The following SLC16A9 variants were observed in gnomAD, a reference collection of about 807,000 sequenced individuals.
The protein encoded by SLC16A9 is monocarboxylate transporter 9.
A neutral mutation model predicts 44.3 loss-of-function variants in SLC16A9; 26 were observed. That is an observed-to-expected ratio of 0.59 (90% CI 0.43 to 0.81). SLC16A9 has a LOEUF of 0.81. SLC16A9 is among the 40% of genes least tolerant of loss of function. SLC16A9 has a pLI of 0.00. For missense variants in SLC16A9, 559 were observed against 595.8 expected (o/e 0.94, Z 0.64); for synonymous variants, 230 against 225.1 (o/e 1.02, Z -0.19).
Position 59,651,916 on chromosome 10 carries a change from GT to G in SLC16A9, c.*855del, listed in dbSNP as rs1466972122. On this transcript the variant is annotated 3_prime_UTR_variant, in exon 6 of 6. Transcript: ENST00000395348. ...CCCACTGTGCCCAAAGCAAATGGAT[GT>G]TTCCCATTTGCCAGAACGGAATGAT... is the stretch of plus-strand genomic sequence containing the variant. The G allele has an allele frequency of 6.6e-6, 1 of 152,204 alleles. No individual in the cohort carries two copies. The highest frequency in any genetic ancestry group is 2.4e-5 in the African/African-American group (1 of 41,456). 9.4% of individuals were successfully genotyped at this position (152,204 alleles called of 1,614,324 possible).
At chr10:59,687,551 C>T (rs141766439) in intron 1 of SLC16A9, among the ~76,000 whole-genome samples, 1 of 152,276 alleles carries the variant, frequency 6.6e-6, no homozygotes, top group East Asian at 1.9e-4. Flanking sequence ...TTCCTTGGTT[C>T]ATGCATTGTT....
At chr10:59,674,652 G>A (rs1459496910) in intron 2 of SLC16A9, among the ~76,000 whole-genome samples, 1 of 152,218 alleles carries the variant, frequency 6.6e-6, no homozygotes, top group African/African-American at 2.4e-5. Flanking sequence ...ATGTCTGACA[G>A]CATAAGGCAT....
In SLC16A9 at chr10:59,652,591, G is replaced by T; in HGVS notation, c.*181C>A. 3.8e-6 allele frequency: 2 copies of T among 520,214 alleles called. No homozygotes were observed. Among genetic ancestry groups the T allele is most frequent in the East Asian group, 3.3e-5 (1 of 30,456 alleles). The allele number at this position is 520,214 out of a possible 1,614,324, so 32.2% of individuals were successfully genotyped here. On this transcript the variant is annotated 3_prime_UTR_variant, in exon 6 of 6. Coordinates refer to ENST00000395348, the MANE Select transcript of SLC16A9 (RefSeq NM_194298.3). ...AAATAGAAAAAAATACGAGATAGAG[G>T]CTACGCATACACTACATAAAAAATA... is the stretch of plus-strand genomic sequence containing the variant.
At chr10:59,680,188 A>T (rs992877241) in intron 2 of SLC16A9, among the ~76,000 whole-genome samples, 2 of 152,194 alleles carry the variant, frequency 1.3e-5, no homozygotes, top group Non-Finnish European at 2.9e-5. Context: ...CTGGACAAAC[A>T]AAGAATTCAA....
intron 1 of SLC16A9, among the ~76,000 whole-genome samples, chr10:59,695,347 T>A (rs1312722610): frequency 1.3e-5 from 2 of 152,174 alleles, no homozygotes; most frequent in African/African-American, 4.8e-5. Context: ...ACCAAAAAAA[T>A]TAATGTAAAC....
intron 4 of SLC16A9, among the ~76,000 whole-genome samples, chr10:59,657,925 G>A (rs527817586): frequency 6.6e-6 from 1 of 152,242 alleles, no homozygotes; most frequent in South Asian, 2.1e-4. Context: ...CAGGGGGATG[G>A]GGGCTGGATA....
chr10:59,683,279 C>A (rs1441026080), intron 2 of SLC16A9, among the ~76,000 whole-genome samples: 1 of 152,076 alleles, frequency 6.6e-6, no homozygotes. Flanking sequence ...GAATAATGGT[C>A]ACTAAATATT....
chr10:59,661,301 C>CA (rs1393035961), intron 4 of SLC16A9, among the ~76,000 whole-genome samples: 3 of 152,214 alleles, frequency 2.0e-5, no homozygotes, highest in African/African-American at 7.2e-5. Flanking sequence ...GAAACTTCAG[C>CA]AAAGTCTCAG....
chr10:59,699,602 A>G (rs1353207767), intron 1 of SLC16A9, among the ~76,000 whole-genome samples: 2 of 152,128 alleles, frequency 1.3e-5, no homozygotes, highest in South Asian at 2.1e-4. Flanking sequence ...TTACCTCATC[A>G]GATTGTGGTA....
Position 59,653,824 on chromosome 10 carries a change from A to G in SLC16A9, c.1202T>C (p.Leu401Pro), listed in dbSNP as rs1200051507. Reference sequence around the variant, plus strand: ...AGTAAGAAACCCTAGGATCCCAGAAAGCAACGCCAATGTGACATAGCTTTT... The same window carrying G: ...AGTAAGAAACCCTAGGATCCCAGAAGGCAACGCCAATGTGACATAGCTTTT... ...FAKSYVTLAL[L>P]SGILGFLTGN... The change falls in exon 5 of 6, where the codon CTT becomes CCT. Residue 401 changes from leucine to proline, a missense_variant. Transcript: ENST00000395348. 6.2e-6 allele frequency: 10 copies of G among 1,614,078 alleles called. No individual in the cohort carries two copies. Among genetic ancestry groups the G allele is most frequent in the Admixed American group, 1.7e-5 (1 of 60,006 alleles).
intron 4 of SLC16A9, among the ~76,000 whole-genome samples, chr10:59,655,811 G>A (rs975846599): frequency 6.6e-6 from 1 of 152,300 alleles, no homozygotes; most frequent in African/African-American, 2.4e-5. Context: ...GTTTAAAATG[G>A]TCAGTATTAA....
At chr10:59,664,874 T>G (rs71495604) in intron 3 of SLC16A9, among the ~76,000 whole-genome samples, 3 of 152,350 alleles carry the variant, frequency 2.0e-5, no homozygotes, top group Admixed American at 6.5e-5. Flanking sequence ...CTTCATCTTT[T>G]AGAGGTGCAT....
intron 4 of SLC16A9, among the ~76,000 whole-genome samples, chr10:59,658,252 A>G (rs1025659190): frequency 6.6e-6 from 1 of 151,252 alleles, no homozygotes; most frequent in Non-Finnish European, 1.5e-5. Context: ...GACCAAGCCA[A>G]TGTACAACTT....
chr10:59,664,524 T>G (rs1412593905), intron 3 of SLC16A9, among the ~76,000 whole-genome samples: 1 of 152,148 alleles, frequency 6.6e-6, no homozygotes, highest in African/African-American at 2.4e-5. Flanking sequence ...CACACCCACC[T>G]TAAGATCAGG....
chr10:59,663,647 T>C (rs1460696432), intron 4 of SLC16A9, among the ~76,000 whole-genome samples: 1 of 151,892 alleles, frequency 6.6e-6, no homozygotes, highest in African/African-American at 2.4e-5. Context: ...TTAGGAGAAA[T>C]ACCTAATGTA....
chr10:59,654,329 T>C lies in SLC16A9; in HGVS notation c.697A>G (p.Ser233Gly). 5 of 1,614,194 alleles carry C rather than the reference T, an allele frequency of 3.1e-6. No individual in the cohort carries two copies. The highest frequency in any genetic ancestry group is 3.4e-6 in the Non-Finnish European group (4 of 1,180,034). The change falls in exon 5 of 6, where the codon AGT (serine) becomes GGT (glycine). Residue 233 changes from serine to glycine, a missense_variant. Physicochemically the swap from Ser to Gly is moderately conservative, Grantham distance 56. Coordinates refer to ENST00000395348, the MANE Select transcript of SLC16A9 (RefSeq NM_194298.3). ...GTGATCCTGCATTTTTCCTCACTACTGTAGCTCTTGTCAAGAATGTTTATG... is the reference window on the plus strand; with the variant it reads ...GTGATCCTGCATTTTTCCTCACTACCGTAGCTCTTGTCAAGAATGTTTATG... Reference protein sequence around the residue: ...ENINILDKSYSSEEKCRITLA... With the variant: ...ENINILDKSYGSEEKCRITLA...
rs527733807 is a variant in SLC16A9 at position 59,658,876 on chromosome 10, T to C, written c.437-4287A>G. Among the ~76,000 whole-genome samples the C allele has an allele frequency of 1.5e-4, 23 of 152,310 alleles. 2 individuals carry two copies. The South Asian group carries it at 4.6e-3, about 30-fold the overall frequency. ...CATGAATCACTTTGTTGCCACTGGG[T>C]TGGCCTCAGGAATAAAATATTAGTT... is the stretch of plus-strand genomic sequence containing the variant. On this transcript the variant is annotated intron_variant, in intron 4 of 5. Transcript: ENST00000395348.
intron 3 of SLC16A9, among the ~76,000 whole-genome samples, chr10:59,669,023 T>C (rs1274810414): frequency 6.6e-6 from 1 of 152,156 alleles, no homozygotes; most frequent in East Asian, 1.9e-4. Flanking sequence ...ACGCAGGTAT[T>C]ACCAAAGAAA....
chr10:59,699,788 A>G (rs1426339419), intron 1 of SLC16A9, among the ~76,000 whole-genome samples: 1 of 151,964 alleles, frequency 6.6e-6, no homozygotes, highest in Non-Finnish European at 1.5e-5. Context: ...CTTTCCCTAT[A>G]AAGACCTCTG....
Sources: allele counts gnomAD v4.1 joint callset (sites outside exome capture counted in the v4.1 genomes callset), GRCh38; gene constraint gnomAD v4.1.1; transcripts MANE v1.5; gene names NCBI Gene and HGNC (gene_info 2026-07-23, HGNC 2026-07-21).